Variants in NFIL3 observed in about 807,000 individuals in gnomAD.
NFIL3 encodes nuclear factor interleukin-3-regulated protein.
In NFIL3, 5 loss-of-function variants were observed where a neutral mutation model predicts 10.0. The ratio of observed to expected loss-of-function variants is 0.50; its 90% CI spans 0.26 to 1.06. The LOEUF (loss-of-function observed/expected upper bound fraction) is 1.06. NFIL3 is among the 50% of genes least tolerant of loss of function. The probability of loss-of-function intolerance (pLI) is 0.13; values close to 1 mark genes in which losing one functional copy is unlikely to be tolerated. For missense variants in NFIL3, 436 were observed against 547.6 expected (o/e 0.80, Z 2.03); for synonymous variants, 202 against 206.5 (o/e 0.98, Z 0.19).
At chr9:91,476,306 C>A in the NFIL3 span, among the ~76,000 whole-genome samples, 1 of 152,204 alleles carries the variant, frequency 6.6e-6, no homozygotes, top group Admixed American at 6.5e-5. Context: ...GGCACAGTGG[C>A]TCATGCCTGT....
At chr9:91,435,099 T>G in the NFIL3 span, among the ~76,000 whole-genome samples, 3 of 152,206 alleles carry the variant, frequency 2.0e-5, no homozygotes, top group Non-Finnish European at 4.4e-5. Flanking sequence ...GAATTGTGTG[T>G]TTTCTCTTTC....
chr9:91,451,435 T>G, the NFIL3 span, among the ~76,000 whole-genome samples: 1 of 152,222 alleles, frequency 6.6e-6, no homozygotes, highest in Non-Finnish European at 1.5e-5. Flanking sequence ...CATACCACAT[T>G]TTGGCTTGTT....
the NFIL3 span, among the ~76,000 whole-genome samples, chr9:91,442,654 G>A: frequency 3.3e-5 from 5 of 152,192 alleles, no homozygotes; most frequent in African/African-American, 4.8e-5. Flanking sequence ...CAGCACAGGT[G>A]CTGGCTCCCT....
the NFIL3 span, among the ~76,000 whole-genome samples, chr9:91,453,279 C>T: frequency 6.6e-6 from 1 of 152,016 alleles, no homozygotes; most frequent in Non-Finnish European, 1.5e-5. Context: ...CTCATTATAA[C>T]TTAATTACCT....
At chr9:91,448,153 T>A in the NFIL3 span, among the ~76,000 whole-genome samples, 7 of 152,192 alleles carry the variant, frequency 4.6e-5, no homozygotes, top group Non-Finnish European at 7.3e-5. Context: ...ATTCTAGTGC[T>A]CTTATGTCTA....
At chr9:91,457,485 A>G in the NFIL3 span, among the ~76,000 whole-genome samples, 5 of 151,972 alleles carry the variant, frequency 3.3e-5, no homozygotes, top group East Asian at 3.8e-4. Flanking sequence ...AGTGTTTTTT[A>G]TGCTATTATA....
the NFIL3 span, among the ~76,000 whole-genome samples, chr9:91,447,485 G>A: frequency 6.6e-6 from 1 of 152,118 alleles, no homozygotes; most frequent in African/African-American, 2.4e-5. Flanking sequence ...CCATATCCTT[G>A]CTAACATATG....
the NFIL3 span, among the ~76,000 whole-genome samples, chr9:91,435,778 A>C: frequency 0.032 from 4,928 of 152,258 alleles, 94 homozygotes; most frequent in East Asian, 0.078. Context: ...ACAGCTTATA[A>C]TCTAATTAAC....
At chr9:91,437,817 G>A in the NFIL3 span, among the ~76,000 whole-genome samples, 33,003 of 152,174 alleles carry the variant, frequency 0.22, 4,077 homozygotes, top group African/African-American at 0.32. Context: ...GTTTCTGCAT[G>A]TTGTGACAAA....
the NFIL3 span, among the ~76,000 whole-genome samples, chr9:91,470,318 TA>T: frequency 6.6e-6 from 1 of 151,196 alleles, no homozygotes; most frequent in South Asian, 2.1e-4. Context: ...TTTATTTGCA[TA>T]GAGGTGTTTA....
Position 91,409,620 on chromosome 9 carries a change from C to T in NFIL3, c.1115G>A (p.Ser372Asn). 1 of 1,614,204 alleles carries T rather than the reference C, an allele frequency of 6.2e-7. No homozygotes were observed. Among genetic ancestry groups the T allele is most frequent in the Non-Finnish European group, 8.5e-7 (1 of 1,180,038 alleles). Residue 372 changes from serine to asparagine, a missense_variant, in exon 2 of 2, where the codon AGT (serine) becomes AAT (asparagine). By Grantham distance (46) the Ser-to-Asn change is conservative. Transcript: ENST00000297689. ...AGGAGTAAGAGAAGAATGTACCATACTTGGGGCACTATGCTTTTCGAGTTC... is the reference window on the plus strand; with the variant it reads ...AGGAGTAAGAGAAGAATGTACCATATTTGGGGCACTATGCTTTTCGAGTTC... Reference protein sequence around the residue: ...HFELEKHSAPSMVHSSLTPFS... With the variant: ...HFELEKHSAPNMVHSSLTPFS...
chr9:91,433,770 A>C, the NFIL3 span, among the ~76,000 whole-genome samples: 1 of 152,268 alleles, frequency 6.6e-6, no homozygotes, highest in South Asian at 2.1e-4. Flanking sequence ...GAAGCATAAC[A>C]TAAATAACAT....
At chr9:91,437,183 C>T in the NFIL3 span, among the ~76,000 whole-genome samples, 1 of 152,198 alleles carries the variant, frequency 6.6e-6, no homozygotes, top group Non-Finnish European at 1.5e-5. Context: ...GGATCAGTAC[C>T]GGTCTGTGGC....
chr9:91,455,160 T>C, the NFIL3 span, among the ~76,000 whole-genome samples: 2 of 152,212 alleles, frequency 1.3e-5, no homozygotes, highest in South Asian at 2.1e-4. Context: ...GTTTCTCCAC[T>C]GTTTAGGTCT....
At chr9:91,418,957 T>C (rs936390723) in intron 1 of NFIL3, among the ~76,000 whole-genome samples, 1 of 152,102 alleles carries the variant, frequency 6.6e-6, no homozygotes, top group African/African-American at 2.4e-5. Flanking sequence ...AAAATTCATA[T>C]TGTAATGTCT....
At chr9:91,420,212 T>C (rs879325572) in intron 1 of NFIL3, among the ~76,000 whole-genome samples, 1 of 152,024 alleles carries the variant, frequency 6.6e-6, no homozygotes, top group East Asian at 1.9e-4. Context: ...GAAATTAACA[T>C]TGAACACGAT....
In NFIL3 at chr9:91,409,204, C is replaced by T. The variant is rs1587960008; in HGVS notation, c.*142G>A. The stretch of plus-strand genomic sequence containing the variant: ...TCTAATCTTCATCATAATCTGTGCA[C>T]AAAAAGACACCAAACAGACAACATG... On this transcript the variant is annotated 3_prime_UTR_variant, in exon 2 of 2. Transcript: ENST00000297689. 1.3e-6 allele frequency: 1 copy of T among 774,608 alleles called. No homozygotes were observed. Among genetic ancestry groups the T allele is most frequent in the South Asian group, 2.0e-5 (1 of 49,402 alleles). 48.0% of individuals were successfully genotyped at this position (774,608 alleles called of 1,614,324 possible). A position where few individuals can be genotyped will look rare whatever the true frequency, so the allele number is the denominator to read the frequency against.
upstream of NFIL3, among the ~76,000 whole-genome samples, chr9:91,424,159 G>A (rs1333886784): frequency 6.6e-6 from 1 of 152,022 alleles, no homozygotes; most frequent in Admixed American, 6.5e-5. Context: ...GAGCGAGCCT[G>A]CGGAGGAGCC....
Position 91,419,272 on chromosome 9 carries a change from C to T in NFIL3, c.-173+4368G>A, listed in dbSNP as rs144899782. On this transcript the variant is annotated intron_variant, in intron 1 of 1. Transcript: ENST00000297689. Reference sequence around the variant, plus strand: ...AAATCATGAAGTATATGAGTTTAACCTGGGTAAAAATAAAGCCCAGGCAAT... The same window carrying T: ...AAATCATGAAGTATATGAGTTTAACTTGGGTAAAAATAAAGCCCAGGCAAT... Among the ~76,000 whole-genome samples, 575 of 152,260 alleles carry T rather than the reference C, an allele frequency of 3.8e-3. 5 individuals carry two copies. The highest frequency in any genetic ancestry group is 6.6e-3 in the Non-Finnish European group (449 of 68,020).
Sources: allele counts gnomAD v4.1 joint callset (sites outside exome capture counted in the v4.1 genomes callset), GRCh38; gene constraint gnomAD v4.1.1; transcripts MANE v1.5; gene names NCBI Gene and HGNC (gene_info 2026-07-23, HGNC 2026-07-21).